DMD: variants seen among roughly 807,000 people sequenced by gnomAD.
The protein encoded by DMD is dystrophin.
In DMD, 63 loss-of-function variants were observed where a neutral mutation model predicts 330.1. That is an observed-to-expected ratio of 0.19 (90% CI 0.16 to 0.24). The LOEUF is 0.24. DMD is among the 10% of genes least tolerant of loss of function. The probability of loss-of-function intolerance (pLI) is 1.00; values close to 1 mark genes in which losing one functional copy is unlikely to be tolerated. For missense variants in DMD, 3,344 were observed against 2,684.1 expected (o/e 1.25, Z -5.43); for synonymous variants, 1,223 against 959.8 (o/e 1.27, Z -5.07).
intron 11 of DMD, among the ~76,000 whole-genome samples, chrX:32,624,427 G>T (rs909943176): frequency 1.1e-4 from 12 of 112,125 alleles, no homozygotes; most frequent in African/African-American, 3.2e-4. Flanking sequence ...CAGATAAGTT[G>T]TAAGAACTTG....
At chrX:31,894,492 C>A (rs16998232) in intron 47 of DMD, among the ~76,000 whole-genome samples, 8,339 of 111,551 alleles carry the variant, frequency 0.075, 335 homozygotes, top group African/African-American at 0.14. Flanking sequence ...TGGGAACCAC[C>A]GCTTTGAGAA....
intron 19 of DMD, among the ~76,000 whole-genome samples, chrX:32,493,795 A>G (rs1032233659): frequency 8.9e-6 from 1 of 112,257 alleles, no homozygotes; most frequent in African/African-American, 3.2e-5. Context: ...GCATGGATCT[A>G]AATGATCAGA....
chrX:32,273,094 T>C (rs2097371195), intron 43 of DMD, among the ~76,000 whole-genome samples: 1 of 111,272 alleles, frequency 9.0e-6, no homozygotes, highest in East Asian at 2.8e-4. Flanking sequence ...TTTGAGAATA[T>C]GGAGAAACAG....
chrX:33,008,941 C>T (rs370077093), intron 2 of DMD, among the ~76,000 whole-genome samples: 5 of 79,716 alleles, frequency 6.3e-5, no homozygotes, highest in African/African-American at 2.0e-4. Context: ...TATATACACA[C>T]GTATATATAC....
intron 9 of DMD, among the ~76,000 whole-genome samples, chrX:32,646,678 T>G (rs1158017765): frequency 9.0e-6 from 1 of 111,630 alleles, no homozygotes; most frequent in African/African-American, 3.3e-5. Flanking sequence ...CAGCACCAAC[T>G]TACTTGTGCT....
intron 1 of DMD, among the ~76,000 whole-genome samples, chrX:33,080,874 G>C (rs909810767): frequency 8.1e-5 from 9 of 110,750 alleles, no homozygotes; most frequent in Non-Finnish European, 1.1e-4. Flanking sequence ...CTAAAGTCAT[G>C]TGAACAAAAA....
intron 4 of DMD, among the ~76,000 whole-genome samples, chrX:32,843,392 C>G (rs5971664): frequency 9.0e-6 from 1 of 110,925 alleles, no homozygotes; most frequent in African/African-American, 3.3e-5. Context: ...AGAAAATCAG[C>G]TCATAGATTA....
At chrX:32,925,152 T>G (rs1248853397) in intron 2 of DMD, among the ~76,000 whole-genome samples, 12 of 84,564 alleles carry the variant, frequency 1.4e-4, no homozygotes, top group Non-Finnish European at 2.2e-4. Flanking sequence ...TGGGTTTTTT[T>G]TTTTTTTTTT....
At chrX:32,902,276 A>G (rs1336153505) in intron 2 of DMD, among the ~76,000 whole-genome samples, 1 of 109,589 alleles carries the variant, frequency 9.1e-6, no homozygotes, top group East Asian at 2.9e-4. Context: ...AGTGGTCACA[A>G]GTAAAAATTT....
At chrX:31,487,906 A>T (rs192860931) in intron 57 of DMD, among the ~76,000 whole-genome samples, 336 of 111,429 alleles carry the variant, frequency 3.0e-3, no homozygotes, top group Non-Finnish European at 4.7e-3. Context: ...TTTTTTTTTT[A>T]AAAATCTAAT....
chrX:31,981,425 T>C (rs998328739), intron 44 of DMD, among the ~76,000 whole-genome samples: 9 of 111,385 alleles, frequency 8.1e-5, no homozygotes, highest in Non-Finnish European at 1.7e-4. Flanking sequence ...CAGATTCTAA[T>C]AGAGTATGAA....
chrX:32,229,096 T>A (rs1374827144), intron 43 of DMD, among the ~76,000 whole-genome samples: 4 of 110,799 alleles, frequency 3.6e-5, no homozygotes, highest in Admixed American at 9.6e-5. Context: ...TGTTTCTTGT[T>A]TTTTTTAAGT....
intron 7 of DMD, among the ~76,000 whole-genome samples, chrX:32,752,010 C>T (rs137904610): frequency 0.015 from 1,704 of 112,678 alleles, 31 homozygotes; most frequent in African/African-American, 0.052. Context: ...ACCTGGATGC[C>T]CAGGTAGAAG....
intron 61 of DMD, among the ~76,000 whole-genome samples, chrX:31,341,885 G>GCA (rs1569529194): frequency 6.0e-5 from 4 of 66,923 alleles, no homozygotes; most frequent in East Asian, 9.0e-4. Flanking sequence ...GCGTGCGTGC[G>GCA]CGCGCGCACA....
intron 46 of DMD, 44 bp downstream of exon 46, chrX:31,932,036 C>G: frequency 8.4e-7 from 1 of 1,193,292 alleles, no homozygotes; most frequent in African/African-American, 1.7e-5. Flanking sequence ...TCATATACTT[C>G]TTTATGCAAG....
chrX:32,847,298 G>T (rs1263745316), intron 3 of DMD, among the ~76,000 whole-genome samples: 1 of 111,693 alleles, frequency 9.0e-6, no homozygotes, highest in Non-Finnish European at 1.9e-5. Flanking sequence ...TTAAAAAGCT[G>T]CAGTTTCTGA....
intron 7 of DMD, among the ~76,000 whole-genome samples, chrX:32,745,793 T>C (rs1051991834): frequency 1.8e-5 from 2 of 112,562 alleles, no homozygotes; most frequent in Non-Finnish European, 3.8e-5. Context: ...AGTTTCACTA[T>C]GATCACGATT....
chrX:32,336,690 T>G (rs760647204), intron 41 of DMD, among the ~76,000 whole-genome samples: 2 of 112,117 alleles, frequency 1.8e-5, no homozygotes, highest in African/African-American at 6.5e-5. Flanking sequence ...ATAACCAGAT[T>G]ATACATCAAA....
At chrX:31,717,662 C>T (rs1285788740) in intron 52 of DMD, among the ~76,000 whole-genome samples, 3 of 112,201 alleles carry the variant, frequency 2.7e-5, no homozygotes, top group East Asian at 2.8e-4. Context: ...ATTACCTTAT[C>T]GTTCTGCACA....
Sources: gnomAD v4.1 joint callset for allele counts (sites outside exome capture counted in the v4.1 genomes callset) on GRCh38, gnomAD v4.1.1 for gene constraint, MANE v1.5 for transcripts, NCBI Gene and HGNC (gene_info 2026-07-23, HGNC 2026-07-21) for gene names.